PXDNL: variants seen among roughly 807,000 people sequenced by gnomAD.
PXDNL encodes the protein peroxidasin like, also known as probable oxidoreductase PXDNL.
PXDNL carries 145 observed loss-of-function variants against 150.8 expected under a neutral mutation model. That is an observed-to-expected ratio of 0.96 (90% confidence interval 0.84 to 1.10). PXDNL has a LOEUF of 1.10. PXDNL is among the 50% of genes least tolerant of loss of function. The pLI is 0.00. For missense variants in PXDNL, 2,087 were observed against 1,873.9 expected (o/e 1.11, Z -2.10); for synonymous variants, 757 against 725.7 (o/e 1.04, Z -0.69).
chr8:51,710,234 CT>C (rs1193242059), intron 1 of PXDNL, among the ~76,000 whole-genome samples: 2 of 152,162 alleles, frequency 1.3e-5, no homozygotes. Context: ...TATTGTATCA[CT>C]TTTATAGAAG....
intron 19 of PXDNL, among the ~76,000 whole-genome samples, chr8:51,367,259 G>T (rs769175972): frequency 6.6e-6 from 1 of 152,068 alleles, no homozygotes; most frequent in Non-Finnish European, 1.5e-5. Context: ...CATACAGATT[G>T]ATTAAAGGAC....
At chr8:51,349,350 A>G (rs563499515) in intron 19 of PXDNL, among the ~76,000 whole-genome samples, 7 of 152,288 alleles carry the variant, frequency 4.6e-5, no homozygotes, top group South Asian at 2.1e-4. Flanking sequence ...CTAATGCACA[A>G]TCCACAGCCA....
At chr8:51,452,105 C>G (rs1307375802) in intron 10 of PXDNL, among the ~76,000 whole-genome samples, 1 of 152,150 alleles carries the variant, frequency 6.6e-6, no homozygotes, top group African/African-American at 2.4e-5. Flanking sequence ...ATGGAAAAAG[C>G]TGAGAAACAA....
At chr8:51,575,502 G>A (rs1813032399) in intron 3 of PXDNL, among the ~76,000 whole-genome samples, 1 of 152,078 alleles carries the variant, frequency 6.6e-6, no homozygotes, top group African/African-American at 2.4e-5. Context: ...ATCACTTGAG[G>A]TCAGGAGTTC....
At chr8:51,772,113 C>T (rs572235851) in intron 1 of PXDNL, among the ~76,000 whole-genome samples, 57 of 152,136 alleles carry the variant, frequency 3.7e-4, no homozygotes, top group Middle Eastern at 3.4e-3. Flanking sequence ...TTACTCACCC[C>T]GCACACCATG....
At chr8:51,467,856 T>A (rs1810236449) in intron 8 of PXDNL, among the ~76,000 whole-genome samples, 1 of 152,098 alleles carries the variant, frequency 6.6e-6, no homozygotes, top group Admixed American at 6.5e-5. Flanking sequence ...CTTTTAATTA[T>A]TCTTCCTTCA....
intron 2 of PXDNL, among the ~76,000 whole-genome samples, chr8:51,633,778 C>T (rs1462311109): frequency 6.6e-6 from 1 of 152,120 alleles, no homozygotes. Flanking sequence ...GCTTGTATGT[C>T]TTTCTTTGAG....
intron 2 of PXDNL, among the ~76,000 whole-genome samples, chr8:51,616,778 A>T (rs1814139655): frequency 6.6e-6 from 1 of 151,918 alleles, no homozygotes. Flanking sequence ...ACTTTGTAGG[A>T]TTTTTTTTCC....
intron 1 of PXDNL, among the ~76,000 whole-genome samples, chr8:51,744,520 A>C (rs1485959279): frequency 6.7e-6 from 1 of 149,404 alleles, no homozygotes; most frequent in Non-Finnish European, 1.5e-5. Flanking sequence ...ACAAAAAAAA[A>C]AAAAAATTAG....
chr8:51,761,116 G>A (rs551630978), intron 1 of PXDNL, among the ~76,000 whole-genome samples: 17 of 146,036 alleles, frequency 1.2e-4, no homozygotes, highest in African/African-American at 4.3e-4. Flanking sequence ...CTCGTGATCC[G>A]CCCGCCTCGG....
At chr8:51,407,930 A>T in intron 17 of PXDNL, 137 bp downstream of exon 17, 1 of 700,534 alleles carries the variant, frequency 1.4e-6, no homozygotes, top group Non-Finnish European at 2.3e-6. Flanking sequence ...CTTTAATATT[A>T]AACCTCTCCA....
intron 6 of PXDNL, among the ~76,000 whole-genome samples, chr8:51,475,567 C>A (rs1215602513): frequency 6.6e-6 from 1 of 152,072 alleles, no homozygotes; most frequent in Non-Finnish European, 1.5e-5. Context: ...AGTTTGAGAC[C>A]AGCCTGGGCA....
chr8:51,540,086 T>C (rs6473618), intron 4 of PXDNL, among the ~76,000 whole-genome samples: 29,718 of 151,874 alleles, frequency 0.2, 3,570 homozygotes, highest in African/African-American at 0.32. Context: ...TTAGTAGAGA[T>C]GGGATTTCTC....
At chr8:51,570,378 A>G (rs1812908767) in intron 3 of PXDNL, among the ~76,000 whole-genome samples, 1 of 151,890 alleles carries the variant, frequency 6.6e-6, no homozygotes, top group Non-Finnish European at 1.5e-5. Flanking sequence ...CTTAGTCAGC[A>G]TTACTTCTAA....
intron 1 of PXDNL, among the ~76,000 whole-genome samples, chr8:51,744,558 C>T (rs1463555935): frequency 6.7e-6 from 1 of 148,444 alleles, no homozygotes. Flanking sequence ...CGCCTGCAGT[C>T]CCAGCTACTC....
intron 19 of PXDNL, among the ~76,000 whole-genome samples, chr8:51,365,739 T>C (rs1263135001): frequency 6.6e-6 from 1 of 152,158 alleles, no homozygotes; most frequent in African/African-American, 2.4e-5. Context: ...TGATGGTAAC[T>C]GAGAGTGGTG....
At chr8:51,415,762 G>A (rs532692022) in intron 14 of PXDNL, among the ~76,000 whole-genome samples, 2 of 152,028 alleles carry the variant, frequency 1.3e-5, no homozygotes, top group East Asian at 1.9e-4. Flanking sequence ...TAAAATGATC[G>A]AATTAAAATA....
intron 1 of PXDNL, among the ~76,000 whole-genome samples, chr8:51,668,689 A>T (rs1452158304): frequency 2.6e-5 from 4 of 152,190 alleles, no homozygotes. Context: ...TTACATACAC[A>T]ATTCTGGCAT....
intron 3 of PXDNL, among the ~76,000 whole-genome samples, chr8:51,562,077 T>C (rs1175193329): frequency 6.6e-6 from 1 of 151,642 alleles, no homozygotes; most frequent in Non-Finnish European, 1.5e-5. Flanking sequence ...TATTGATATA[T>C]TGCTTTTTCA....
Sources: gnomAD v4.1 joint callset for allele counts (sites outside exome capture counted in the v4.1 genomes callset) on GRCh38, gnomAD v4.1.1 for gene constraint, MANE v1.5 for transcripts, NCBI Gene and HGNC (gene_info 2026-07-23, HGNC 2026-07-21) for gene names.